SLC29A1: variants seen among roughly 807,000 people sequenced by gnomAD.
The protein encoded by SLC29A1 is solute carrier family 29 member 1 (Augustine blood group).
In SLC29A1, 22 loss-of-function variants were observed where a neutral mutation model predicts 48.3. The observed-to-expected ratio is 0.46, with a 90% CI of 0.33 to 0.65. SLC29A1 has a LOEUF of 0.65. Among genes scored for constraint, SLC29A1 ranks in the 30% least tolerant of loss-of-function variants. The probability of loss-of-function intolerance (pLI) is 0.03; values close to 1 mark genes in which losing one functional copy is unlikely to be tolerated. For missense variants in SLC29A1, 491 were observed against 575.3 expected (o/e 0.85, Z 1.50); for synonymous variants, 228 against 231.0 (o/e 0.99, Z 0.12).
At chr6:44,230,073 G>A (rs760648062) in intron 5 of SLC29A1, 27 bp downstream of exon 5, 23 of 1,602,140 alleles carry the variant, frequency 1.4e-5, no homozygotes, top group Admixed American at 1.7e-5. Flanking sequence ...GGGGGCCTAT[G>A]GGAGGAGGCA....
intron 1 of SLC29A1, among the ~76,000 whole-genome samples, chr6:44,225,303 C>T (rs567603141): frequency 2.9e-4 from 44 of 152,088 alleles, no homozygotes; most frequent in African/African-American, 1.0e-3. Flanking sequence ...GTCGGGAGTT[C>T]GAAACCAGCC....
chr6:44,224,018 G>A, intron 1 of SLC29A1: 1 of 831,300 alleles, frequency 1.2e-6, no homozygotes. Flanking sequence ...GGATGGGGAT[G>A]GGGATGGAGG....
intron 12 of SLC29A1, 112 bp from the exon 13 acceptor site, chr6:44,233,305 C>A: frequency 1.1e-6 from 1 of 933,116 alleles, no homozygotes; most frequent in Non-Finnish European, 1.7e-6. Flanking sequence ...GGTTGATCAA[C>A]AGAATGAGGT....
chr6:44,228,495 C>T (rs556799628), intron 2 of SLC29A1, among the ~76,000 whole-genome samples: 5 of 152,360 alleles, frequency 3.3e-5, no homozygotes, highest in African/African-American at 9.6e-5. Context: ...GGCCTGCCAG[C>T]GGTCCAGGCT....
chr6:44,233,398 C>G lies in SLC29A1; in HGVS notation c.1260-19C>G, dbSNP rs1036674729. The G allele has an allele frequency of 1.9e-6, 3 of 1,599,160 alleles. No individual in the cohort carries two copies. The African/African-American group carries it at 4.0e-5, about 21-fold the overall frequency. ...GTACAGCCATTCTGAGGTAGCCTTG[C>G]CCTTCCTTCCCCGCTTAGGAAAGTG... On this transcript the variant is annotated intron_variant, in intron 12 of 12. Coordinates refer to ENST00000371755, the MANE Select transcript of SLC29A1 (RefSeq NM_001372327.1).
chr6:44,226,941 C>T, intron 1 of SLC29A1: 1 of 1,088,726 alleles, frequency 9.2e-7, no homozygotes, highest in Non-Finnish European at 1.1e-6. Flanking sequence ...ATCTTTCCTC[C>T]TCCTTCCCTC....
rs991870174 is a variant in SLC29A1 at position 44,229,154 on chromosome 6, A to T, written c.30-236A>T. 1.3e-5 allele frequency among the ~76,000 whole-genome samples: 2 copies of T among 152,166 alleles called. No individual in the cohort carries two copies. Among genetic ancestry groups the T allele is most frequent in the African/African-American group, 4.8e-5 (2 of 41,424 alleles). ...CAGGGCTGATAACCATGGTCCTGTC[A>T]GCCATGCCATTCAGTCCTATGACCC... On this transcript the variant is annotated intron_variant, in intron 2 of 12. Transcript: ENST00000371755. This position sits in a 1 kb window ranked among gnomAD's most constrained non-coding sequence, Gnocchi z 5.1.
chr6:44,230,515 G>C, intron 6 of SLC29A1, 34 bp downstream of exon 6: 1 of 1,614,006 alleles, frequency 6.2e-7, no homozygotes, highest in East Asian at 2.2e-5. Flanking sequence ...CAGTGCCCTG[G>C]TGTGGTGGGG....
At chr6:44,226,109 C>T in intron 1 of SLC29A1, 1 of 985,386 alleles carries the variant, frequency 1.0e-6, no homozygotes, top group Non-Finnish European at 1.2e-6. Context: ...GGAGCACCTC[C>T]TAGGGACTGC....
chr6:44,230,605 T>C lies in SLC29A1; in HGVS notation c.627T>C (p.Phe209=), dbSNP rs746575409. The change falls in exon 7 of 13, where the codon TTT becomes TTC. Residue 209 remains phenylalanine (F), a synonymous_variant. Coordinates refer to ENST00000371755, the MANE Select transcript of SLC29A1 (RefSeq NM_001372327.1). ...SELSESAFGY[F]ITACAVIILT... ...TATCAGAAAGTGCCTTCGGCTACTTTATCACAGCCTGTGCTGTTATCATTT... is the reference window on the plus strand; with the variant it reads ...TATCAGAAAGTGCCTTCGGCTACTTCATCACAGCCTGTGCTGTTATCATTT... 1 of 1,613,406 alleles carries C rather than the reference T, an allele frequency of 6.2e-7. No homozygotes were observed. The highest frequency in any genetic ancestry group is 1.7e-5 in the Admixed American group (1 of 59,910).
At chr6:44,219,990 A>C (rs1027507477), upstream of SLC29A1, among the ~76,000 whole-genome samples, 1 of 152,162 alleles carries the variant, frequency 6.6e-6, no homozygotes, top group Non-Finnish European at 1.5e-5. Flanking sequence ...TGCCTCCCCA[A>C]ACTCCCCAGC....
Position 44,229,516 on chromosome 6 carries a change from C to T in SLC29A1, c.111+45C>T, listed in dbSNP as rs1308612770. On this transcript the variant is annotated intron_variant, in intron 3 of 12. Coordinates refer to ENST00000371755, the MANE Select transcript of SLC29A1 (RefSeq NM_001372327.1). This position sits in a 1 kb window ranked among gnomAD's most constrained non-coding sequence, Gnocchi z 5.1. ...GCTCCATGGGGCAGTGCCCACTGTG[C>T]TTGCAGGATCTGACTCTGTGCTGGT... 1.1e-5 allele frequency: 17 copies of T among 1,607,886 alleles called. No individual in the cohort carries two copies. Among genetic ancestry groups the T allele is most frequent in the Non-Finnish European group, 1.4e-5 (17 of 1,174,492 alleles).
In SLC29A1 at chr6:44,229,706, A is replaced by G. The variant is rs771382830; in HGVS notation, c.229A>G (p.Ser77Gly). 6.2e-7 allele frequency: 1 copy of G among 1,614,010 alleles called. No individual in the cohort carries two copies. The highest frequency in any genetic ancestry group is 1.1e-5 in the South Asian group (1 of 91,086). Residue 77 changes from serine (S) to glycine (G), a missense_variant, in exon 4 of 13, where the codon AGT becomes GGT. Ser to Gly is a moderately conservative substitution (Grantham distance 56, BLOSUM62 0). Transcript: ENST00000371755. This position sits in a 1 kb window ranked among gnomAD's most constrained non-coding sequence, Gnocchi z 5.1. ...ACCCTTGCCTGAGCGGAACTCTCTC[A>G]GTGCCATCTTCAACAATGTCATGAC... Reference protein sequence around the residue: ...AAPLPERNSLSAIFNNVMTLC... With the variant: ...AAPLPERNSLGAIFNNVMTLC...
chr6:44,223,491 CG>C (rs1178354159), upstream of SLC29A1: 7 of 654,652 alleles, frequency 1.1e-5, no homozygotes, highest in Non-Finnish European at 1.2e-5. This position sits in a 1 kb window ranked among gnomAD's most constrained non-coding sequence, Gnocchi z 5.0. Flanking sequence ...AGGGGTGGGC[CG>C]GGGGCGGGGC....
chr6:44,223,651 G>C lies in SLC29A1; in HGVS notation c.-52+10G>C. ...AGTGCTTCTGCGGCAGGTGCTGCCC[G>C]GGGCCGGGGACTGGGGACTGGGGAC... On this transcript the variant is annotated intron_variant, in intron 1 of 12. Coordinates refer to ENST00000371755, the MANE Select transcript of SLC29A1 (RefSeq NM_001372327.1). This position sits in a 1 kb window ranked among gnomAD's most constrained non-coding sequence, Gnocchi z 5.0. 1 of 1,201,678 alleles carries C rather than the reference G, an allele frequency of 8.3e-7. No homozygotes were observed. Among genetic ancestry groups the C allele is most frequent in the Non-Finnish European group, 1.1e-6 (1 of 944,298 alleles). 74.4% of individuals were successfully genotyped at this position (1,201,678 alleles called of 1,614,324 possible).
At position 44,233,575 on chromosome 6, in the gene SLC29A1, C is replaced by T. The variant is rs201301264; in HGVS notation, c.*47C>T. 8.0e-4 allele frequency: 1,157 copies of T among 1,447,768 alleles called. 2 individuals carry two copies. Among genetic ancestry groups the T allele is most frequent in the Admixed American group, 3.3e-3 (197 of 59,742 alleles). 89.7% of individuals were successfully genotyped at this position (1,447,768 alleles called of 1,614,324 possible). On this transcript the variant is annotated 3_prime_UTR_variant, in exon 13 of 13. Coordinates refer to ENST00000371755, the MANE Select transcript of SLC29A1 (RefSeq NM_001372327.1). ...GCCTGCCTCCCTCCCTGTCTGCCTC[C>T]TGCCCCTTCCTTCTGCCAGGGGTGA...
In SLC29A1 at chr6:44,232,167, G is replaced by A. The variant is rs1312339860; in HGVS notation, c.973+61G>A. Reference sequence around the variant, plus strand: ...CAGGATCTTGAGTTGGGCTGGAAGTGGGGAAGGGAGGGAGCCTGGGTCACC... The same window carrying A: ...CAGGATCTTGAGTTGGGCTGGAAGTAGGGAAGGGAGGGAGCCTGGGTCACC... On this transcript the variant is annotated intron_variant, in intron 10 of 12. Transcript: ENST00000371755. This position sits in a 1 kb window ranked among gnomAD's most constrained non-coding sequence, Gnocchi z 4.7. 2.9e-6 allele frequency: 4 copies of A among 1,369,180 alleles called. No individual in the cohort carries two copies. Among genetic ancestry groups the A allele is most frequent in the Non-Finnish European group, 4.2e-6 (4 of 958,068 alleles). 84.8% of individuals were successfully genotyped at this position (1,369,180 alleles called of 1,614,324 possible).
Position 44,233,038 on chromosome 6 carries a change from T to G in SLC29A1, c.1259+32T>G, listed in dbSNP as rs1327990070. On this transcript the variant is annotated intron_variant, in intron 12 of 12. Transcript: ENST00000371755. Reference sequence around the variant, plus strand: ...AGGGCTGGCAGGGAACTTGGTGGCATCAGACAGGATCTAGAGTTCCAGTGG... The same window carrying G: ...AGGGCTGGCAGGGAACTTGGTGGCAGCAGACAGGATCTAGAGTTCCAGTGG... 5.0e-6 allele frequency: 8 copies of G among 1,599,546 alleles called. No individual in the cohort carries two copies. In the Admixed American group the frequency reaches 8.3e-5, roughly 17 times the overall value.
intron 1 of SLC29A1, among the ~76,000 whole-genome samples, chr6:44,224,626 A>G (rs926737818): frequency 2.6e-5 from 4 of 152,044 alleles, no homozygotes; most frequent in African/African-American, 9.7e-5. Context: ...GGCCCCATCT[A>G]TTCAGTGCTA....
Sources: allele counts gnomAD v4.1 joint callset (sites outside exome capture counted in the v4.1 genomes callset), GRCh38; gene constraint gnomAD v4.1.1; non-coding constraint Gnocchi (gnomAD v3.1); transcripts MANE v1.5; gene names NCBI Gene and HGNC (gene_info 2026-07-23, HGNC 2026-07-21).